The following PLXDC1 variants were observed in gnomAD, a reference collection of about 807,000 sequenced individuals.
The protein encoded by PLXDC1 is plexin domain-containing protein 1.
PLXDC1 carries 39 observed loss-of-function variants against 61.3 expected under a neutral mutation model. That is an observed-to-expected ratio of 0.64 (90% CI 0.49 to 0.83). The LOEUF (loss-of-function observed/expected upper bound fraction) is 0.83, where lower values mean the gene tolerates loss of function less well. Among genes scored for constraint, PLXDC1 ranks in the 40% least tolerant of loss-of-function variants. The pLI is 0.00. For synonymous variants in PLXDC1, 212 were observed against 254.5 expected (o/e 0.83, Z 1.59); for missense variants, 596 against 666.5 (o/e 0.89, Z 1.17).
intron 7 of PLXDC1, chr17:39,097,000 A>G (rs1312562228): frequency 4.2e-6 from 2 of 471,114 alleles, no homozygotes; most frequent in African/African-American, 4.0e-5. Flanking sequence ...ACGAGGAAGT[A>G]CTGGTAAGAA....
chr17:39,143,087 G>A (rs1293996995), intron 1 of PLXDC1, among the ~76,000 whole-genome samples: 12 of 152,104 alleles, frequency 7.9e-5, no homozygotes, highest in Non-Finnish European at 2.9e-5. Flanking sequence ...GCAGTGAGCC[G>A]AGATTGCGCC....
intron 7 of PLXDC1, among the ~76,000 whole-genome samples, chr17:39,102,182 C>T (rs371126837): frequency 1.3e-4 from 20 of 152,098 alleles, no homozygotes; most frequent in African/African-American, 4.8e-4. Context: ...CTGGGCACCC[C>T]GCCCAAGCCA....
At chr17:39,112,590 T>A (rs1910849083) in intron 2 of PLXDC1, among the ~76,000 whole-genome samples, 1 of 150,966 alleles carries the variant, frequency 6.6e-6, no homozygotes, top group African/African-American at 2.4e-5. Flanking sequence ...CCCAAGTAAC[T>A]GGGATTACAG....
At chr17:39,074,235 G>A (rs183981308) in intron 11 of PLXDC1, among the ~76,000 whole-genome samples, 1 of 152,252 alleles carries the variant, frequency 6.6e-6, no homozygotes, top group East Asian at 1.9e-4. Flanking sequence ...TTATAAACCA[G>A]GCACAATGGC....
chr17:39,107,764 T>C, intron 5 of PLXDC1: 1 of 585,138 alleles, frequency 1.7e-6, no homozygotes, highest in Non-Finnish European at 3.1e-6. Flanking sequence ...TCTCTTTCCC[T>C]TTCCTTCTTG....
At chr17:39,138,856 G>T (rs548780879) in intron 2 of PLXDC1, among the ~76,000 whole-genome samples, 1 of 151,874 alleles carries the variant, frequency 6.6e-6, no homozygotes, top group Non-Finnish European at 1.5e-5. Flanking sequence ...ACTCCCAGCC[G>T]CAGGCACCTA....
At chr17:39,128,084 T>TATGTATATATATATATATATA (rs1567769434) in intron 2 of PLXDC1, among the ~76,000 whole-genome samples, 1 of 122,382 alleles carries the variant, frequency 8.2e-6, no homozygotes, top group African/African-American at 3.3e-5. Context: ...TCTCTCTCTC[T>TATGTATATATATATATATATA]CTCTCTCTAT....
rs146331753 is a variant in PLXDC1 at position 39,087,104 on chromosome 17, T to C, written c.907+503A>G. The stretch of plus-strand genomic sequence containing the variant: ...CAACAGCAGGTGGCTGCCTTCAGCA[T>C]GGGTGAGTGGGGTGCAGAGGGCCAG... On this transcript the variant is annotated intron_variant, in intron 8 of 13. Coordinates refer to ENST00000315392, the MANE Select transcript of PLXDC1 (RefSeq NM_020405.5). Among the ~76,000 whole-genome samples the C allele has an allele frequency of 1.2e-3, 180 of 152,262 alleles. 1 individual carries two copies. The highest frequency in any genetic ancestry group is 9.3e-3 in the East Asian group (48 of 5,170).
At chr17:39,123,704 T>G (rs1272623730) in intron 2 of PLXDC1, among the ~76,000 whole-genome samples, 4 of 152,196 alleles carry the variant, frequency 2.6e-5, no homozygotes, top group African/African-American at 7.2e-5. Flanking sequence ...GTTACAGTAT[T>G]TCTTCCGCCT....
intron 6 of PLXDC1, among the ~76,000 whole-genome samples, chr17:39,107,124 G>C (rs769344498): frequency 3.9e-5 from 6 of 152,120 alleles, no homozygotes; most frequent in Non-Finnish European, 7.4e-5. Context: ...AGCCTCCCCT[G>C]GCCTCTGCCA....
At position 39,105,966 on chromosome 17, in the gene PLXDC1, G is replaced by A. The variant is rs1438351948; in HGVS notation, c.712-13C>T. ...CAGACATAGGGATCTGCGGCAGGGA[G>A]AAGAGACTCCGTCCACCTCCCAAAC... On this transcript the variant is annotated splice_polypyrimidine_tract_variant and intron_variant, in intron 6 of 13. Coordinates refer to ENST00000315392, the MANE Select transcript of PLXDC1 (RefSeq NM_020405.5). 8 of 1,593,490 alleles carry A rather than the reference G, an allele frequency of 5.0e-6. No individual in the cohort carries two copies. Among genetic ancestry groups the A allele is most frequent in the Non-Finnish European group, 6.9e-6 (8 of 1,162,192 alleles).
chr17:39,147,372 C>T (rs776525201), intron 1 of PLXDC1, among the ~76,000 whole-genome samples: 1 of 152,204 alleles, frequency 6.6e-6, no homozygotes, highest in Non-Finnish European at 1.5e-5. Context: ...CCTCTAGCCC[C>T]AAATGCTGCC....
chr17:39,116,387 G>A (rs573202581), intron 2 of PLXDC1, among the ~76,000 whole-genome samples: 1 of 152,306 alleles, frequency 6.6e-6, no homozygotes, highest in Non-Finnish European at 1.5e-5. Flanking sequence ...TCTGGTGGGT[G>A]TTCAGCATCT....
chr17:39,129,415 G>A (rs1911460826), intron 2 of PLXDC1, among the ~76,000 whole-genome samples: 3 of 151,244 alleles, frequency 2.0e-5, no homozygotes, highest in South Asian at 4.2e-4. Context: ...TCAGGAGATC[G>A]AGTCCATCCT....
At chr17:39,131,068 C>T (rs1911545053) in intron 2 of PLXDC1, among the ~76,000 whole-genome samples, 2 of 152,142 alleles carry the variant, frequency 1.3e-5, no homozygotes, top group Admixed American at 6.5e-5. Flanking sequence ...GGACCAAGAA[C>T]CATCATGGGC....
At chr17:39,097,776 T>C (rs8064425) in intron 7 of PLXDC1, among the ~76,000 whole-genome samples, 41,880 of 150,764 alleles carry the variant, frequency 0.28, 6,261 homozygotes, top group Non-Finnish European at 0.34. Context: ...GTGGTACACA[T>C]CTATAGTCTC....
intron 2 of PLXDC1, among the ~76,000 whole-genome samples, chr17:39,112,399 T>C (rs1295994876): frequency 1.3e-5 from 2 of 152,020 alleles, no homozygotes; most frequent in South Asian, 2.1e-4. Flanking sequence ...GCCTAAAATT[T>C]TGCCTGAAGA....
intron 1 of PLXDC1, chr17:39,144,623 A>G (rs1328639951): frequency 6.6e-6 from 1 of 152,264 alleles, no homozygotes; most frequent in Admixed American, 6.5e-5. Flanking sequence ...ACTTTCCTGA[A>G]AGCCTCGGCC....
chr17:39,123,954 G>A (rs1304029504), intron 2 of PLXDC1, among the ~76,000 whole-genome samples: 1 of 152,158 alleles, frequency 6.6e-6, no homozygotes, highest in African/African-American at 2.4e-5. Flanking sequence ...AGGCAGCTGG[G>A]TCCAACCCAG....
Sources: gnomAD v4.1 joint callset for allele counts (sites outside exome capture counted in the v4.1 genomes callset) on GRCh38, gnomAD v4.1.1 for gene constraint, MANE v1.5 for transcripts, NCBI Gene and HGNC (gene_info 2026-07-23, HGNC 2026-07-21) for gene names.